The following SYT14 variants were observed in gnomAD, a reference collection of about 807,000 sequenced individuals.
SYT14 encodes synaptotagmin 14.
A neutral mutation model predicts 74.2 loss-of-function variants in SYT14; 32 were observed. That is an observed-to-expected ratio of 0.43 (90% confidence interval 0.33 to 0.58). SYT14 has a LOEUF of 0.58. Among genes scored for constraint, SYT14 ranks in the 20% least tolerant of loss-of-function variants. The pLI is 0.05. For missense variants in SYT14, 791 were observed against 981.8 expected, an observed-to-expected ratio of 0.81 and a Z score of 2.60; for synonymous variants, 298 against 337.7, an observed-to-expected ratio of 0.88 and a Z score of 1.29.
At chr1:210,144,461 C>T (rs1400158694) in intron 7 of SYT14, among the ~76,000 whole-genome samples, 1 of 152,010 alleles carries the variant, frequency 6.6e-6, no homozygotes, top group Non-Finnish European at 1.5e-5. Context: ...AACAGACCCC[C>T]GTAAATCTGA....
chr1:210,112,652 T>C (rs2082285316), intron 7 of SYT14, among the ~76,000 whole-genome samples: 1 of 151,404 alleles, frequency 6.6e-6, no homozygotes, highest in South Asian at 2.1e-4. Flanking sequence ...CCCTGAGCGA[T>C]GGGATCTGAT....
At chr1:209,980,680 C>G (rs2079467761) in intron 2 of SYT14, among the ~76,000 whole-genome samples, 1 of 152,248 alleles carries the variant, frequency 6.6e-6, no homozygotes, top group South Asian at 2.1e-4. Context: ...AGCCAGTTCT[C>G]CCAGTACCAT....
chr1:210,016,701 T>G, exon 4 of SYT14: 1 of 1,231,838 alleles, frequency 8.1e-7, no homozygotes. Flanking sequence ...TCTCGACATG[T>G]ATATTTGGGA....
At position 210,120,376 on chromosome 1, in the gene SYT14, T is replaced by TG. The variant is rs1553282494; in HGVS notation, c.2034+19915_2034+19916insG. 4.3e-3 allele frequency among the ~76,000 whole-genome samples: 642 copies of TG among 150,810 alleles called. 3 individuals are homozygous for TG. The highest frequency in any genetic ancestry group is 0.014 in the African/African-American group (580 of 40,606). ...TTGGTGTTTTTGCTGTTTTTTTTTT[T>TG]TTTGTTTGAGATAGGGTCACTCTGT... On this transcript the variant is annotated intron_variant, in intron 7 of 9. Transcript: ENST00000637265.
At chr1:210,005,626 G>T (rs2079975788) in intron 2 of SYT14, among the ~76,000 whole-genome samples, 1 of 151,876 alleles carries the variant, frequency 6.6e-6, no homozygotes, top group African/African-American at 2.4e-5. Flanking sequence ...TCAAAAGAAT[G>T]ACTATGCTTT....
exon 4 of SYT14, chr1:210,016,298 C>G: frequency 2.4e-6 from 3 of 1,232,060 alleles, no homozygotes; most frequent in South Asian, 4.1e-5. Flanking sequence ...TAGAGCAAAG[C>G]AAATAAATAC....
At chr1:209,987,906 T>C (rs2079598947) in intron 2 of SYT14, among the ~76,000 whole-genome samples, 1 of 152,210 alleles carries the variant, frequency 6.6e-6, no homozygotes, top group Non-Finnish European at 1.5e-5. Context: ...TTTACAACTT[T>C]AATCCATTTG....
intron 5 of SYT14, among the ~76,000 whole-genome samples, chr1:210,050,396 T>G (rs188978011): frequency 6.6e-6 from 1 of 152,312 alleles, no homozygotes; most frequent in African/African-American, 2.4e-5. Context: ...GCAAAGCCAT[T>G]CAACAAGTCT....
intron 6 of SYT14, among the ~76,000 whole-genome samples, chr1:210,098,759 C>T (rs1025976456): frequency 7.9e-5 from 12 of 151,852 alleles, no homozygotes; most frequent in Non-Finnish European, 1.5e-4. Flanking sequence ...TGGCTCACTG[C>T]GACCTCTGCC....
chr1:209,967,989 A>T lies in SYT14; in HGVS notation c.-486+15233A>T, dbSNP rs184235966. ...ACCTGCTCCTACACTAAATTTTTTA[A>T]AAAAATCAGTATATTGAACTAACTA... On this transcript the variant is annotated intron_variant, in intron 2 of 9. Coordinates refer to ENST00000637265, the Ensembl canonical transcript of SYT14. 2.0e-5 allele frequency among the ~76,000 whole-genome samples: 3 copies of T among 152,286 alleles called. No homozygotes were observed. In the East Asian group the frequency reaches 5.8e-4, roughly 29 times the overall value.
chr1:209,984,211 C>A (rs1306161031), intron 2 of SYT14, among the ~76,000 whole-genome samples: 1 of 152,184 alleles, frequency 6.6e-6, no homozygotes, highest in African/African-American at 2.4e-5. Context: ...GATTTTAGCG[C>A]CAACTAGCCA....
chr1:209,942,155 G>A (rs966719248), intron 1 of SYT14, among the ~76,000 whole-genome samples: 3 of 152,088 alleles, frequency 2.0e-5, no homozygotes, highest in East Asian at 1.9e-4. Context: ...GCATTGTTTC[G>A]TGGAATTCTG....
chr1:210,039,434 G>A (rs1393243974), intron 5 of SYT14, among the ~76,000 whole-genome samples: 3 of 152,070 alleles, frequency 2.0e-5, no homozygotes, highest in Admixed American at 6.6e-5. Flanking sequence ...AAAAGCCCTA[G>A]AGGAAAACCT....
exon 10 of SYT14, chr1:210,162,815 A>G (rs1369756145): frequency 2.2e-6 from 1 of 451,822 alleles, no homozygotes; most frequent in South Asian, 1.6e-5. Flanking sequence ...CACATGAATT[A>G]TAAGAAAAAA....
intron 5 of SYT14, among the ~76,000 whole-genome samples, chr1:210,078,925 T>TC (rs1286799827): frequency 6.6e-6 from 1 of 151,872 alleles, no homozygotes; most frequent in East Asian, 1.9e-4. Context: ...TTTTTTTTTT[T>TC]CAATCTTTTT....
exon 7 of SYT14, chr1:210,100,091 A>C (rs1473083301): frequency 6.2e-7 from 1 of 1,613,992 alleles, no homozygotes; most frequent in Non-Finnish European, 8.5e-7. Context: ...GGCACACTGG[A>C]TGTGACTTTT....
chr1:210,088,930 G>A (rs1340565034), intron 5 of SYT14, among the ~76,000 whole-genome samples: 1 of 151,756 alleles, frequency 6.6e-6, no homozygotes, highest in East Asian at 1.9e-4. Flanking sequence ...TGCAGAACAT[G>A]CAGGTTTGTT....
chr1:210,111,528 G>A (rs1409003801), intron 7 of SYT14, among the ~76,000 whole-genome samples: 1 of 151,192 alleles, frequency 6.6e-6, no homozygotes, highest in Non-Finnish European at 1.5e-5. Context: ...GGGGTGGTAT[G>A]GAGAGATAAT....
In SYT14 at chr1:210,017,696, G is replaced by A. The variant is rs117579368; in HGVS notation, c.1096+597G>A. 5.2e-4 allele frequency among the ~76,000 whole-genome samples: 79 copies of A among 152,150 alleles called. 1 individual carries two copies. In the East Asian group the frequency reaches 0.014, roughly 27 times the overall value. ...TTCATGAGTTCTCTATGTAGAATTA[G>A]GATTCTGACTAAGCATTTATAGTTT... On this transcript the variant is annotated intron_variant, in intron 4 of 9. Transcript: ENST00000637265.
Sources: gnomAD v4.1 joint callset for allele counts (sites outside exome capture counted in the v4.1 genomes callset) on GRCh38, gnomAD v4.1.1 for gene constraint, MANE v1.5 for transcripts, NCBI Gene and HGNC (gene_info 2026-07-23, HGNC 2026-07-21) for gene names.